The following CALN1 variants were observed in gnomAD, a reference collection of about 807,000 sequenced individuals.
The protein encoded by CALN1 is calcium-binding protein 8.
In CALN1, 17 loss-of-function variants were observed where a neutral mutation model predicts 30.6. The ratio of observed to expected loss-of-function variants is 0.56; its 90% CI spans 0.38 to 0.83. The LOEUF (loss-of-function observed/expected upper bound fraction) is 0.83, where lower values mean the gene tolerates loss of function less well. Among genes scored for constraint, CALN1 ranks in the 40% least tolerant of loss-of-function variants. CALN1 has a pLI of 0.00. For synonymous variants in CALN1, 156 were observed against 131.4 expected (o/e 1.19, Z -1.28); for missense variants, 291 against 354.9 (o/e 0.82, Z 1.45).
intron 3 of CALN1, among the ~76,000 whole-genome samples, chr7:72,251,076 C>G (rs1795521673): frequency 6.6e-6 from 1 of 152,124 alleles, no homozygotes; most frequent in East Asian, 1.9e-4. Context: ...TGCACCCTTT[C>G]AAGCTCAGAA....
At chr7:72,205,575 T>TATATACATATATATATATATATAC (rs1562733884) in intron 3 of CALN1, among the ~76,000 whole-genome samples, 20 of 119,586 alleles carry the variant, frequency 1.7e-4, no homozygotes, top group African/African-American at 8.5e-4. Flanking sequence ...TATGTATATA[T>TATATACATATATATATATATATAC]ATATATATAT....
intron 2 of CALN1, among the ~76,000 whole-genome samples, chr7:72,293,125 G>A (rs780539489): frequency 6.6e-6 from 1 of 152,144 alleles, no homozygotes; most frequent in Non-Finnish European, 1.5e-5. Context: ...AACAGAGCCT[G>A]TATCAGGCAG....
the CALN1 span, among the ~76,000 whole-genome samples, chr7:72,488,213 T>G: frequency 6.6e-6 from 1 of 151,424 alleles, no homozygotes; most frequent in Non-Finnish European, 1.5e-5. Flanking sequence ...AAAAAAAAAT[T>G]TTTTTTAATT....
At position 72,373,008 on chromosome 7, in the gene CALN1, C is replaced by A. The variant is rs549387018; in HGVS notation, c.119+30243G>T. On this transcript the variant is annotated intron_variant, in intron 2 of 6. Transcript: ENST00000395275. The stretch of plus-strand genomic sequence containing the variant: ...AAATGCTCCAAAAAGCAATGGAGAA[C>A]ACTTTTGAAAAGAACAGGAAAACAG... Among the ~76,000 whole-genome samples the A allele has an allele frequency of 1.4e-4, 22 of 152,188 alleles. No individual in the cohort carries two copies. The South Asian group carries it at 4.6e-3, about 32-fold the overall frequency.
At chr7:71,922,575 AAC>A (rs1461350215) in intron 5 of CALN1, among the ~76,000 whole-genome samples, 1 of 139,844 alleles carries the variant, frequency 7.2e-6, no homozygotes, top group African/African-American at 2.6e-5. Flanking sequence ...ATAAATATAT[AAC>A]ACACAGAATG....
chr7:72,086,514 ACCTCTG>A (rs1246592344), intron 4 of CALN1, among the ~76,000 whole-genome samples: 2 of 152,076 alleles, frequency 1.3e-5, no homozygotes. Flanking sequence ...GCTCACAGCA[ACCTCTG>A]CCTCTGGAGT....
At chr7:71,827,224 C>A (rs1406250811) in intron 5 of CALN1, among the ~76,000 whole-genome samples, 1 of 152,152 alleles carries the variant, frequency 6.6e-6, no homozygotes, top group Admixed American at 6.5e-5. Flanking sequence ...ATTGGTGGGT[C>A]CTCCGGCGGC....
chr7:71,994,807 T>C lies in CALN1; in HGVS notation c.501+28850A>G, dbSNP rs184213601. Among the ~76,000 whole-genome samples, 74 of 151,384 alleles carry C rather than the reference T, an allele frequency of 4.9e-4. No individual in the cohort carries two copies. The East Asian group carries it at 0.013, about 27-fold the overall frequency. On this transcript the variant is annotated intron_variant, in intron 5 of 6. Transcript: ENST00000395275. ...AGGACGAAAGATTGGTTGGACCAGG[T>C]GTGCCATCTGCATAGCTCACGAAGA...
At chr7:71,960,736 T>C (rs1025735495) in intron 5 of CALN1, among the ~76,000 whole-genome samples, 2 of 152,204 alleles carry the variant, frequency 1.3e-5, no homozygotes, top group Admixed American at 6.5e-5. Flanking sequence ...TTAATAGTTA[T>C]ATTCTTCCAC....
At chr7:72,417,009 T>A (rs1807443917), upstream of CALN1, among the ~76,000 whole-genome samples, 1 of 152,162 alleles carries the variant, frequency 6.6e-6, no homozygotes, top group South Asian at 2.1e-4. Context: ...GGTCTCCAGG[T>A]CAGCTGCCAG....
upstream of CALN1, among the ~76,000 whole-genome samples, chr7:72,413,837 A>T (rs1807333800): frequency 6.7e-6 from 1 of 149,428 alleles, no homozygotes; most frequent in Non-Finnish European, 1.5e-5. Flanking sequence ...GCACATACAC[A>T]AACATGCACA....
chr7:71,932,788 C>T (rs1377863027), intron 5 of CALN1, among the ~76,000 whole-genome samples: 3 of 144,980 alleles, frequency 2.1e-5, no homozygotes, highest in Non-Finnish European at 4.5e-5. Context: ...TGCACTCCAG[C>T]CTGGGTGACA....
At chr7:72,054,346 T>G (rs1803039618) in intron 4 of CALN1, among the ~76,000 whole-genome samples, 1 of 150,978 alleles carries the variant, frequency 6.6e-6, no homozygotes, top group African/African-American at 2.4e-5. Context: ...TTTACATTTT[T>G]CTAATGGTCA....
At chr7:72,008,378 A>G (rs1268355312) in intron 5 of CALN1, among the ~76,000 whole-genome samples, 2 of 149,814 alleles carry the variant, frequency 1.3e-5, no homozygotes, top group Non-Finnish European at 3.0e-5. Context: ...AGAATGGTAA[A>G]GCTATACGAA....
chr7:72,091,016 T>G (rs1805822536), intron 4 of CALN1, among the ~76,000 whole-genome samples: 1 of 152,010 alleles, frequency 6.6e-6, no homozygotes, highest in Admixed American at 6.6e-5. Context: ...AGGAGCACAA[T>G]AGGGTGATTA....
At position 72,111,289 on chromosome 7, in the gene CALN1, G is replaced by A. The variant is rs936342962; in HGVS notation, c.245-4995C>T. ...CGTGGCAACACGCATCGTCTGAAAG[G>A]ACTCCAGTCTCTGCAAGCATATGGA... On this transcript the variant is annotated intron_variant, in intron 3 of 6. Coordinates refer to ENST00000395275, the MANE Select transcript of CALN1 (RefSeq NM_031468.4). Among the ~76,000 whole-genome samples the A allele has an allele frequency of 7.2e-5, 11 of 152,284 alleles. No individual in the cohort carries two copies. In the South Asian group the frequency reaches 2.1e-3, roughly 29 times the overall value.
At chr7:72,437,339 C>T (rs1156298815) in intron 1 of CALN1, among the ~76,000 whole-genome samples, 1 of 152,170 alleles carries the variant, frequency 6.6e-6, no homozygotes, top group African/African-American at 2.4e-5. Flanking sequence ...TCCTGACATT[C>T]TGGGACTGAT....
chr7:72,337,254 C>A (rs1235298232), intron 2 of CALN1: 1 of 985,130 alleles, frequency 1.0e-6, no homozygotes. Flanking sequence ...CTGCCGGCGC[C>A]CGCGTTCAGG....
intron 3 of CALN1, among the ~76,000 whole-genome samples, chr7:72,223,556 T>A (rs1170540604): frequency 6.6e-6 from 1 of 152,216 alleles, no homozygotes; most frequent in Non-Finnish European, 1.5e-5. Context: ...GCACTTTCCC[T>A]GAACTTGGTC....
Sources: gnomAD v4.1 joint callset for allele counts (sites outside exome capture counted in the v4.1 genomes callset) on GRCh38, gnomAD v4.1.1 for gene constraint, MANE v1.5 for transcripts, NCBI Gene and HGNC (gene_info 2026-07-23, HGNC 2026-07-21) for gene names.